Variants in MAP3K10 observed in about 807,000 individuals in gnomAD.
MAP3K10 encodes MKN28 derived nonreceptor_type serine/threonine kinase.
MAP3K10 carries 22 observed loss-of-function variants against 75.0 expected under a neutral mutation model. That is an observed-to-expected ratio of 0.29 (90% CI 0.21 to 0.42). The LOEUF (loss-of-function observed/expected upper bound fraction) is 0.42, where lower values mean the gene tolerates loss of function less well. Among genes scored for constraint, MAP3K10 ranks in the 10% least tolerant of loss-of-function variants. MAP3K10 has a pLI of 1.00. For missense variants in MAP3K10, 1,165 were observed against 1,379.8 expected (o/e 0.84, Z 2.47); for synonymous variants, 599 against 612.9 (o/e 0.98, Z 0.34).
At chr19:40,208,354 T>TTTTA (rs1349751248) in intron 5 of MAP3K10, among the ~76,000 whole-genome samples, 4 of 101,252 alleles carry the variant, frequency 4.0e-5, no homozygotes, top group East Asian at 4.8e-4. Flanking sequence ...TCTTTTTTTT[T>TTTTA]TTTTTTTTTT....
rs778146858 is a variant in MAP3K10, at chr19:40,192,447, C to T, written c.416C>T (p.Ala139Val). The T allele has an allele frequency of 1.9e-6, 3 of 1,614,022 alleles. No homozygotes were observed. The highest frequency in any genetic ancestry group is 2.7e-5 in the African/African-American group (2 of 75,052). The change falls in exon 1 of 10, where the codon GCG becomes GTG. Residue 139 changes from alanine (A) to valine (V), a missense_variant. Physicochemically the swap from Ala to Val is moderately conservative, Grantham distance 64. Coordinates refer to ENST00000253055, the MANE Select transcript of MAP3K10 (RefSeq NM_002446.4). This position sits in a 1 kb window ranked among gnomAD's most constrained non-coding sequence, Gnocchi z 7.1. Reference protein sequence around the residue: ...LDPEKDPAVTAEQVCQEARLF... With the variant: ...LDPEKDPAVTVEQVCQEARLF... ...CCTGAGAAGGACCCGGCAGTGACAG[C>T]GGAGCAGGTGTGCCAGGAAGCCCGG...
chr19:40,208,126 C>T (rs1048073099), intron 5 of MAP3K10, among the ~76,000 whole-genome samples: 17 of 152,038 alleles, frequency 1.1e-4, no homozygotes, highest in African/African-American at 3.9e-4. Context: ...TAAATGTTTC[C>T]AATAACCAAA....
intron 5 of MAP3K10, among the ~76,000 whole-genome samples, chr19:40,208,498 C>T (rs1973177444): frequency 6.7e-6 from 1 of 149,852 alleles, no homozygotes; most frequent in Admixed American, 6.7e-5. Context: ...GCCCAGCCCC[C>T]ATACCTGTTT....
rs1262601747 is a variant in MAP3K10 at position 40,213,786 on chromosome 19, C to A, written c.2107C>A (p.Arg703=). 2 of 1,228,552 alleles carry A rather than the reference C, an allele frequency of 1.6e-6. No homozygotes were observed. Among genetic ancestry groups the A allele is most frequent in the Admixed American group, 4.5e-5 (1 of 22,342 alleles). The allele number at this position is 1,228,552 out of a possible 1,614,324, so 76.1% of individuals were successfully genotyped here. Residue 703 remains arginine, a synonymous_variant, in exon 9 of 10, where the codon CGG becomes AGG. Transcript: ENST00000253055. The surrounding 1 kb of genome is among the most constrained non-coding windows in gnomAD (Gnocchi z 5.7). The stretch of plus-strand genomic sequence containing the variant: ...GCGCGCGGCCGACGGTGAGGAGCAG[C>A]GGCGCTGGCTCGACGGCCTCTTCTT... The part of the protein sequence containing the change: ...EARAADGEEQ[R]RWLDGLFFPR...
At position 40,192,026 on chromosome 19, in the gene MAP3K10, T is replaced by A. The variant is rs1365299072; in HGVS notation, c.-6T>A. On this transcript the variant is annotated 5_prime_UTR_variant, in exon 1 of 10. Coordinates refer to ENST00000253055, the MANE Select transcript of MAP3K10 (RefSeq NM_002446.4). This position sits in a 1 kb window ranked among gnomAD's most constrained non-coding sequence, Gnocchi z 7.1. ...GCGGCCTCCCGCAGCCCCCGGCCCC[T>A]CCCCCATGGAGGAGGAGGAGGGGGC... 7.1e-7 allele frequency: 1 copy of A among 1,410,920 alleles called. No homozygotes were observed. Among genetic ancestry groups the A allele is most frequent in the Non-Finnish European group, 9.2e-7 (1 of 1,086,474 alleles). The allele number at this position is 1,410,920 out of a possible 1,614,324, so 87.4% of individuals were successfully genotyped here.
rs757688448 is a variant in MAP3K10 at position 40,192,613 on chromosome 19, C to G, written c.582C>G (p.His194Gln). 6.2e-7 allele frequency: 1 copy of G among 1,611,862 alleles called. No individual in the cohort carries two copies. Among genetic ancestry groups the G allele is most frequent in the South Asian group, 1.1e-5 (1 of 90,754 alleles). ...TGGCAGGTCGCCGGGTGCCACCTCACGTGCTGGTCAACTGGGCTGTGCAGG... is the reference window on the plus strand; with the variant it reads ...TGGCAGGTCGCCGGGTGCCACCTCAGGTGCTGGTCAACTGGGCTGTGCAGG... ...RVLAGRRVPP[H>Q]VLVNWAVQVA... Residue 194 changes from histidine (H) to glutamine (Q), a missense_variant, in exon 1 of 10, where the codon CAC becomes CAG. Physicochemically the swap from His to Gln is conservative, Grantham distance 24. Around this residue, in one of 2 missense-constraint regions of MAP3K10, gnomAD observed 575 missense variants for 793.2 expected, o/e 0.72. Transcript: ENST00000253055. The surrounding 1 kb of genome is among the most constrained non-coding windows in gnomAD (Gnocchi z 7.1).
chr19:40,205,049 C>T lies in MAP3K10; in HGVS notation c.1013-72C>T. On this transcript the variant is annotated intron_variant, in intron 3 of 9. Transcript: ENST00000253055. The surrounding 1 kb of genome is among the most constrained non-coding windows in gnomAD (Gnocchi z 4.3). Reference sequence around the variant, plus strand: ...CCCAGAAATTCTGCCTTCCTCTGAGCAGGCTGAGTCCCCAGAGCATGACCA... The same window carrying T: ...CCCAGAAATTCTGCCTTCCTCTGAGTAGGCTGAGTCCCCAGAGCATGACCA... The T allele has an allele frequency of 2.2e-6, 3 of 1,387,452 alleles. No homozygotes were observed. Among genetic ancestry groups the T allele is most frequent in the Non-Finnish European group, 3.0e-6 (3 of 983,674 alleles). 85.9% of individuals were successfully genotyped at this position (1,387,452 alleles called of 1,614,324 possible).
chr19:40,206,321 C>A, intron 5 of MAP3K10, 164 bp downstream of exon 5: 1 of 792,118 alleles, frequency 1.3e-6, no homozygotes, highest in Non-Finnish European at 1.8e-6. Context: ...TAGTCCCAGC[C>A]TACTCAGGAG....
rs1004535645 is a variant in MAP3K10 at position 40,191,783 on chromosome 19, G to A, written c.-249G>A. The A allele has an allele frequency of 2.3e-5, 9 of 383,166 alleles. No individual in the cohort carries two copies. Among genetic ancestry groups the A allele is most frequent in the African/African-American group, 4.2e-5 (2 of 47,472 alleles). The allele number at this position is 383,166 out of a possible 1,614,324, so 23.7% of individuals were successfully genotyped here. A position where few individuals can be genotyped will look rare whatever the true frequency, so the allele number is the denominator to read the frequency against. ...CTCTTAGCCCTCTGCCGTTTGGGGG[G>A]CACGGGTGAACCTGCCGCCCCACTC... On this transcript the variant is annotated 5_prime_UTR_variant, in exon 1 of 10. Coordinates refer to ENST00000253055, the MANE Select transcript of MAP3K10 (RefSeq NM_002446.4).
At chr19:40,201,473 G>A (rs941675644) in intron 2 of MAP3K10, among the ~76,000 whole-genome samples, 5 of 148,572 alleles carry the variant, frequency 3.4e-5, no homozygotes, top group Middle Eastern at 3.6e-3. Flanking sequence ...GATTACAGGC[G>A]TCAGCCACCG....
chr19:40,204,953 A>C lies in MAP3K10; in HGVS notation c.1013-168A>C. The C allele has an allele frequency of 1.4e-6, 1 of 696,500 alleles. No homozygotes were observed. The highest frequency in any genetic ancestry group is 4.2e-4 in the Middle Eastern group (1 of 2,396). 43.1% of individuals were successfully genotyped at this position (696,500 alleles called of 1,614,324 possible). ...GGGTTTCTCTCCCAGCGTTTCACTG[A>C]GTGGAATTGGCCAGGAGCTTGGCTT... On this transcript the variant is annotated intron_variant, in intron 3 of 9. Coordinates refer to ENST00000253055, the MANE Select transcript of MAP3K10 (RefSeq NM_002446.4). This position sits in a 1 kb window ranked among gnomAD's most constrained non-coding sequence, Gnocchi z 4.3.
In MAP3K10 at chr19:40,204,389, G is replaced by T; in HGVS notation, c.864-96G>T. The T allele has an allele frequency of 2.1e-6, 3 of 1,409,550 alleles. No individual in the cohort carries two copies. The highest frequency in any genetic ancestry group is 2.8e-6 in the Non-Finnish European group (3 of 1,052,774). The allele number at this position is 1,409,550 out of a possible 1,614,324, so 87.3% of individuals were successfully genotyped here. On this transcript the variant is annotated intron_variant, in intron 2 of 9. Transcript: ENST00000253055. The surrounding 1 kb of genome is among the most constrained non-coding windows in gnomAD (Gnocchi z 4.3). ...TCATTGGCCGGGGGTGGCTGTTGGG[G>T]TGAGGGCAGCCCTGCATGGGACCAA...
chr19:40,193,173 G>C (rs1972849271), intron 1 of MAP3K10, among the ~76,000 whole-genome samples: 1 of 152,162 alleles, frequency 6.6e-6, no homozygotes, highest in Non-Finnish European at 1.5e-5. Flanking sequence ...GAGTTGCTTA[G>C]CGGCATCTTT....
chr19:40,199,388 G>A (rs993186202), intron 2 of MAP3K10, among the ~76,000 whole-genome samples: 6 of 152,212 alleles, frequency 3.9e-5, no homozygotes, highest in African/African-American at 1.4e-4. Context: ...AGGAGGCTGA[G>A]AGGAAGGCAC....
At chr19:40,208,328 C>T (rs1316143788) in intron 5 of MAP3K10, among the ~76,000 whole-genome samples, 4 of 143,028 alleles carry the variant, frequency 2.8e-5, no homozygotes, top group African/African-American at 7.6e-5. Flanking sequence ...CCCGCCACCA[C>T]GCCTGGCTCT....
Position 40,205,095 on chromosome 19 carries a change from C to G in MAP3K10, c.1013-26C>G, listed in dbSNP as rs759145127. Reference sequence around the variant, plus strand: ...GACCACTGACACCTCCATGCCCCACCACTGTCCTTCCTCCTCCCACCCCAG... The same window carrying G: ...GACCACTGACACCTCCATGCCCCACGACTGTCCTTCCTCCTCCCACCCCAG... On this transcript the variant is annotated intron_variant, in intron 3 of 9. Transcript: ENST00000253055. The surrounding 1 kb of genome is among the most constrained non-coding windows in gnomAD (Gnocchi z 4.3). 2.0e-5 allele frequency: 33 copies of G among 1,609,964 alleles called. No homozygotes were observed. Among genetic ancestry groups the G allele is most frequent in the Non-Finnish European group, 2.8e-5 (33 of 1,178,076 alleles).
In MAP3K10 at chr19:40,213,646, C is replaced by G. The variant is rs766317027; in HGVS notation, c.1967C>G (p.Pro656Arg). The change falls in exon 9 of 10, where the codon CCG becomes CGG. Residue 656 changes from proline to arginine, a missense_variant. Pro to Arg is a moderately radical substitution (Grantham distance 103). This residue lies in a region of MAP3K10 where 590 missense variants were observed against 586.6 expected (regional missense o/e 1.01). Coordinates refer to ENST00000253055, the MANE Select transcript of MAP3K10 (RefSeq NM_002446.4). The surrounding 1 kb of genome is among the most constrained non-coding windows in gnomAD (Gnocchi z 5.7). Reference sequence around the variant, plus strand: ...GCGCGGGCGCCGTGGGAGCCGACGCCGTCCGCGCCCCCCGCTCGGTGGGGA... The same window carrying G: ...GCGCGGGCGCCGTGGGAGCCGACGCGGTCCGCGCCCCCCGCTCGGTGGGGA... ...PGARAPWEPT[P>R]SAPPARWGHG... 1.5e-6 allele frequency: 2 copies of G among 1,363,422 alleles called. No individual in the cohort carries two copies. The highest frequency in any genetic ancestry group is 1.9e-6 in the Non-Finnish European group (2 of 1,055,696). The allele number at this position is 1,363,422 out of a possible 1,614,324, so 84.5% of individuals were successfully genotyped here. A position where few individuals can be genotyped will look rare whatever the true frequency, so the allele number is the denominator to read the frequency against.
chr19:40,198,607 G>A lies in MAP3K10; in HGVS notation c.863+52G>A. 1 of 1,544,580 alleles carries A rather than the reference G, an allele frequency of 6.5e-7. No homozygotes were observed. The highest frequency in any genetic ancestry group is 8.8e-7 in the Non-Finnish European group (1 of 1,134,734). On this transcript the variant is annotated intron_variant, in intron 2 of 9. Transcript: ENST00000253055. The surrounding 1 kb of genome is among the most constrained non-coding windows in gnomAD (Gnocchi z 4.3). ...CTCTGGGGAGTAAGGGAGGGAGGAA[G>A]GGGTGAGGGCAGAGTGGGAGGGAGG...
In MAP3K10 at chr19:40,215,368, A is replaced by C; in HGVS notation, c.*76A>C. The C allele has an allele frequency of 7.6e-7, 1 of 1,307,402 alleles. No homozygotes were observed. Among genetic ancestry groups the C allele is most frequent in the Non-Finnish European group, 1.0e-6 (1 of 955,210 alleles). 81.0% of individuals were successfully genotyped at this position (1,307,402 alleles called of 1,614,324 possible). On this transcript the variant is annotated 3_prime_UTR_variant, in exon 10 of 10. Transcript: ENST00000253055. ...CCCTGCCCCAGCCCGCCATGCCACA[A>C]GGTGGGGGAGGCCCTGGGCAGGATG...
Sources: gnomAD v4.1 joint callset for allele counts (sites outside exome capture counted in the v4.1 genomes callset) on GRCh38, gnomAD v4.1.1 for gene constraint, gnomAD v4.1.1 regional missense constraint, Gnocchi (gnomAD v3.1) non-coding constraint, MANE v1.5 for transcripts, NCBI Gene and HGNC (gene_info 2026-07-23, HGNC 2026-07-21) for gene names.